The following C1QTNF6 variants were observed in gnomAD, a reference collection of about 807,000 sequenced individuals.
The protein encoded by C1QTNF6 is C1q and TNF related 6, also known as complement C1q tumor necrosis factor-related protein 6.
A neutral mutation model predicts 20.7 loss-of-function variants in C1QTNF6; 17 were observed. That is an observed-to-expected ratio of 0.82 (90% confidence interval 0.56 to 1.23). C1QTNF6 has a LOEUF of 1.23. Ranked by LOEUF, C1QTNF6 falls within the 50% of genes most tolerant of loss-of-function variation. The pLI is 0.00. For missense variants in C1QTNF6, 329 were observed against 389.7 expected (o/e 0.84, Z 1.31); for synonymous variants, 130 against 156.3 (o/e 0.83, Z 1.25).
chr22:37,182,024 G>T lies in C1QTNF6; in HGVS notation c.*164C>A, dbSNP rs889150616. 8.4e-6 allele frequency: 6 copies of T among 713,764 alleles called. No individual in the cohort carries two copies. In the South Asian group the frequency reaches 9.6e-5, roughly 11 times the overall value. The allele number at this position is 713,764 out of a possible 1,614,324, so 44.2% of individuals were successfully genotyped here. A position where few individuals can be genotyped will look rare whatever the true frequency, so the allele number is the denominator to read the frequency against. On this transcript the variant is annotated 3_prime_UTR_variant, in exon 3 of 3. Coordinates refer to ENST00000337843, the MANE Select transcript of C1QTNF6 (RefSeq NM_031910.4). ...AGAGAGAAGAGAGGAGCAGAAATAGGCTGGGAGGGATGATGGCAGCCAAGA... is the reference window on the plus strand; with the variant it reads ...AGAGAGAAGAGAGGAGCAGAAATAGTCTGGGAGGGATGATGGCAGCCAAGA...
intron 2 of C1QTNF6, 123 bp downstream of exon 2, chr22:37,185,095 T>C: frequency 2.1e-6 from 3 of 1,439,186 alleles, no homozygotes; most frequent in Non-Finnish European, 2.7e-6. Context: ...AGGCTCACAT[T>C]GGGGCTCAAT....
At chr22:37,187,650 ACTG>A (rs1323670287) in intron 1 of C1QTNF6, among the ~76,000 whole-genome samples, 20 of 151,010 alleles carry the variant, frequency 1.3e-4, no homozygotes, top group Non-Finnish European at 2.4e-4. Flanking sequence ...CTCCCAGAGG[ACTG>A]GCATGGTTTG....
chr22:37,186,746 G>A (rs551581454), intron 1 of C1QTNF6, among the ~76,000 whole-genome samples: 2 of 152,342 alleles, frequency 1.3e-5, no homozygotes, highest in East Asian at 3.9e-4. Flanking sequence ...TTTGAAACCA[G>A]ACTGGTTTTT....
At chr22:37,193,505 A>G (rs923760725) in intron 2 of C1QTNF6, among the ~76,000 whole-genome samples, 4 of 152,192 alleles carry the variant, frequency 2.6e-5, no homozygotes, top group Admixed American at 6.5e-5. Flanking sequence ...GAAAAATAAG[A>G]GCCAAGAAGA....
At chr22:37,185,592 T>A in intron 1 of C1QTNF6, 137 bp from the exon 2 acceptor site, 1 of 1,377,136 alleles carries the variant, frequency 7.3e-7, no homozygotes, top group South Asian at 1.7e-5. Context: ...ATTGTCCCCA[T>A]CTATCAGACA....
rs1041151411 is a variant in C1QTNF6, at chr22:37,180,349, G to A, written c.*1839C>T. 2 of 152,770 alleles carry A rather than the reference G, an allele frequency of 1.3e-5. No homozygotes were observed. The highest frequency in any genetic ancestry group is 4.8e-5 in the African/African-American group (2 of 41,456). The allele number at this position is 152,770 out of a possible 1,614,324, so 9.5% of individuals were successfully genotyped here. Reference sequence around the variant, plus strand: ...TGTGAGCACCAGAGATCACCCCCCGGGGCACCTCAGCCCCAGAGTCTGCAT... The same window carrying A: ...TGTGAGCACCAGAGATCACCCCCCGAGGCACCTCAGCCCCAGAGTCTGCAT... On this transcript the variant is annotated 3_prime_UTR_variant, in exon 3 of 3. Transcript: ENST00000337843.
chr22:37,184,219 A>G lies in C1QTNF6; in HGVS notation c.289+999T>C, dbSNP rs1924060697. 1.5e-6 allele frequency: 1 copy of G among 646,150 alleles called. No individual in the cohort carries two copies. The highest frequency in any genetic ancestry group is 1.8e-5 in the African/African-American group (1 of 55,626). The allele number at this position is 646,150 out of a possible 1,614,324, so 40.0% of individuals were successfully genotyped here. A position where few individuals can be genotyped will look rare whatever the true frequency, so the allele number is the denominator to read the frequency against. On this transcript the variant is annotated intron_variant, in intron 2 of 2. Transcript: ENST00000337843. This position sits in a 1 kb window ranked among gnomAD's most constrained non-coding sequence, Gnocchi z 4.0. ...GGTGCCAGGTGACCACTGGCTGTGC[A>G]GTGAGTGTCCCCGGGGAGAGCTCAG...
At chr22:37,183,032 C>T (rs1395003488) in intron 2 of C1QTNF6, 5 of 728,148 alleles carry the variant, frequency 6.9e-6, no homozygotes, top group East Asian at 1.4e-4. Flanking sequence ...CTTCCCCTCA[C>T]CCAGCAGGGA....
Position 37,182,339 on chromosome 22 carries a change from A to C in C1QTNF6, c.686T>G (p.Met229Arg), listed in dbSNP as rs571932726. ...LYAQPSERSIMQSQSVMLDLA... is the reference protein window; with the variant it reads ...LYAQPSERSIRQSQSVMLDLA... ...GTCCAGCATCACACTCTGGCTCTGCATGATGCTGCGCTCGCTGGGCTGCGC... is the reference window on the plus strand; with the variant it reads ...GTCCAGCATCACACTCTGGCTCTGCCTGATGCTGCGCTCGCTGGGCTGCGC... The change falls in exon 3 of 3, where the codon ATG becomes AGG. Residue 229 changes from methionine (M) to arginine (R), a missense_variant. Transcript: ENST00000337843. The C allele has an allele frequency of 5.6e-6, 9 of 1,614,230 alleles. No individual in the cohort carries two copies. The Admixed American group carries it at 1.2e-4, about 21-fold the overall frequency.
At chr22:37,187,247 G>A (rs969105142) in intron 1 of C1QTNF6, among the ~76,000 whole-genome samples, 8 of 149,828 alleles carry the variant, frequency 5.3e-5, no homozygotes, top group African/African-American at 2.0e-4. Context: ...CAATAAGGAG[G>A]TCAAATCCTC....
chr22:37,185,224 G>A lies in C1QTNF6; in HGVS notation c.283C>T (p.Leu95=), dbSNP rs1208219007. Residue 95 remains leucine (L), a synonymous_variant, in exon 2 of 3, where the codon CTG becomes TTG. Transcript: ENST00000337843. ...EIRPYINITI[L]KGDKGDPGPM... ...CCCACAGGAGGGCACTCACCCTTCA[G>A]GATGGTGATATTAATGTAGGGTCTG... is the stretch of plus-strand genomic sequence containing the variant. The A allele has an allele frequency of 6.4e-7, 1 of 1,562,208 alleles. No homozygotes were observed.
rs1418764219 is a variant in C1QTNF6, at chr22:37,181,997, CAA to C, written c.*189_*190del. ...GTTAGCAAGCTTCTTAAAATAGGTC[CAA>C]GAGAGAAGAGAGGAGCAGAAATAGG... On this transcript the variant is annotated 3_prime_UTR_variant, in exon 3 of 3. Transcript: ENST00000337843. 1 of 638,252 alleles carries C rather than the reference CAA, an allele frequency of 1.6e-6. No individual in the cohort carries two copies. Among genetic ancestry groups the C allele is most frequent in the South Asian group, 2.1e-5 (1 of 48,370 alleles). The allele number at this position is 638,252 out of a possible 1,614,324, so 39.5% of individuals were successfully genotyped here. A position where few individuals can be genotyped will look rare whatever the true frequency, so the allele number is the denominator to read the frequency against.
chr22:37,185,274 C>T lies in C1QTNF6; in HGVS notation c.233G>A (p.Gly78Asp). ...GATCTCAGGCAGGGCGTGGGGGCGG[C>T]CGGAGGAAGAGGCTGAGGATACATG... ...PAHVSSASSSGRPHALPEIRP... is the reference protein window; with the variant it reads ...PAHVSSASSSDRPHALPEIRP... Residue 78 changes from glycine (G) to aspartate (D), a missense_variant, in exon 2 of 3, where the codon GGC becomes GAC. Transcript: ENST00000337843. 1.2e-6 allele frequency: 2 copies of T among 1,608,058 alleles called. No homozygotes were observed. The highest frequency in any genetic ancestry group is 1.7e-6 in the Non-Finnish European group (2 of 1,176,316).
intron 1 of C1QTNF6, among the ~76,000 whole-genome samples, chr22:37,187,898 G>A (rs780014351): frequency 6.6e-6 from 1 of 152,124 alleles, no homozygotes; most frequent in Non-Finnish European, 1.5e-5. Flanking sequence ...TGGGGAGGGA[G>A]CGGCAGGGCA....
At chr22:37,187,013 C>T (rs1022943787) in intron 1 of C1QTNF6, among the ~76,000 whole-genome samples, 1 of 152,034 alleles carries the variant, frequency 6.6e-6, no homozygotes, top group African/African-American at 2.4e-5. Context: ...TCCCGGAGTT[C>T]GAGACCAGTC....
Position 37,185,382 on chromosome 22 carries a change from G to T in C1QTNF6, c.125C>A (p.Pro42His), listed in dbSNP as rs229526. The part of the protein sequence containing the change: ...LLLFLLMCEI[P>H]MVELTFDRAV... ...TCTGTCAAAGGTGAGCTCCACCATA[G>T]GGATCTCACACATCAGGAGAAAGAG... The change falls in exon 2 of 3, where the codon CCT becomes CAT. Residue 42 changes from proline (P) to histidine (H), a missense_variant. Coordinates refer to ENST00000337843, the MANE Select transcript of C1QTNF6 (RefSeq NM_031910.4). 6.8e-6 allele frequency: 11 copies of T among 1,613,416 alleles called. No homozygotes were observed. The highest frequency in any genetic ancestry group is 9.3e-6 in the Non-Finnish European group (11 of 1,179,764).
intron 1 of C1QTNF6, among the ~76,000 whole-genome samples, chr22:37,187,191 T>A (rs1467261634): frequency 6.6e-6 from 1 of 152,138 alleles, no homozygotes; most frequent in Non-Finnish European, 1.5e-5. Flanking sequence ...AGGTGACTCT[T>A]CCCAAGCTTC....
chr22:37,185,704 G>A, intron 1 of C1QTNF6: 7 of 1,197,774 alleles, frequency 5.8e-6, no homozygotes, highest in Non-Finnish European at 7.3e-6. Context: ...AGTCCATGGA[G>A]GCTTCTGCTC....
In C1QTNF6 at chr22:37,181,040, C is replaced by T. The variant is rs560013242; in HGVS notation, c.*1148G>A. 1 of 152,670 alleles carries T rather than the reference C, an allele frequency of 6.6e-6. No homozygotes were observed. Among genetic ancestry groups the T allele is most frequent in the African/African-American group, 2.4e-5 (1 of 41,594 alleles). 9.5% of individuals were successfully genotyped at this position (152,670 alleles called of 1,614,324 possible). ...GTGGATGAGGAACGGGAAGGAGATA[C>T]CTGCCCCTGCCACCGGGACCCCGTC... On this transcript the variant is annotated 3_prime_UTR_variant, in exon 3 of 3. Transcript: ENST00000337843.
Sources: allele counts gnomAD v4.1 joint callset (sites outside exome capture counted in the v4.1 genomes callset), GRCh38; gene constraint gnomAD v4.1.1; non-coding constraint Gnocchi (gnomAD v3.1); transcripts MANE v1.5; gene names NCBI Gene and HGNC (gene_info 2026-07-23, HGNC 2026-07-21).